The following DIO2 variants were observed in gnomAD, a reference collection of about 807,000 sequenced individuals.
DIO2 encodes the protein type II iodothyronine deiodinase.
Under a neutral mutation model 21.4 loss-of-function variants are expected in DIO2, and 19 were observed. The ratio of observed to expected loss-of-function variants is 0.89; its 90% confidence interval spans 0.62 to 1.30. The LOEUF is 1.30. Among genes scored for constraint, DIO2 ranks in the 50% most tolerant of loss-of-function variants. The probability of loss-of-function intolerance (pLI) is 0.00; values close to 1 mark genes in which losing one functional copy is unlikely to be tolerated. For synonymous variants in DIO2, 122 were observed against 132.9 expected, an observed-to-expected ratio of 0.92 and a Z score of 0.57; for missense variants, 302 against 338.1, an observed-to-expected ratio of 0.89 and a Z score of 0.84.
chr14:80,208,190 C>T (rs745630711), intron 1 of DIO2, among the ~76,000 whole-genome samples: 1 of 152,108 alleles, frequency 6.6e-6, no homozygotes, highest in Non-Finnish European at 1.5e-5. Context: ...GATGCAATGA[C>T]GCTGACTAAA....
upstream of DIO2, among the ~76,000 whole-genome samples, chr14:80,213,401 T>C (rs768883334): frequency 2.5e-4 from 38 of 152,218 alleles, no homozygotes; most frequent in South Asian, 4.1e-4. Context: ...ATTTTTTCCA[T>C]GTGGCTAAAA....
chr14:80,203,369 T>C, intron 1 of DIO2, 81 bp from the exon 2 acceptor site: 1 of 1,423,448 alleles, frequency 7.0e-7, no homozygotes, highest in Non-Finnish European at 9.3e-7. Flanking sequence ...TGAATTCACA[T>C]TAAATAGTTA....
At chr14:80,224,036 A>T (rs1888519874) in intron 2 of DIO2, among the ~76,000 whole-genome samples, 1 of 152,196 alleles carries the variant, frequency 6.6e-6, no homozygotes, top group South Asian at 2.1e-4. Flanking sequence ...TGCACCAACA[A>T]GTAAGGATTG....
intron 1 of DIO2, among the ~76,000 whole-genome samples, chr14:80,207,754 T>G (rs1448893221): frequency 6.6e-6 from 1 of 152,202 alleles, no homozygotes; most frequent in Non-Finnish European, 1.5e-5. Flanking sequence ...TCAATTCCCT[T>G]TTAGCTATTC....
At chr14:80,212,912 C>A (rs1414851164), upstream of DIO2, among the ~76,000 whole-genome samples, 1 of 151,144 alleles carries the variant, frequency 6.6e-6, no homozygotes, top group African/African-American at 2.4e-5. Flanking sequence ...CTTTTAGCTT[C>A]ATTTTGCAGA....
intron 2 of DIO2, among the ~76,000 whole-genome samples, chr14:80,218,140 T>A (rs1371756819): frequency 2.0e-5 from 3 of 152,100 alleles, no homozygotes; most frequent in Non-Finnish European, 4.4e-5. Context: ...TTTTCAGACC[T>A]GCCTAAGTCA....
chr14:80,202,292 G>A lies in DIO2; in HGVS notation c.*397C>T, dbSNP rs752191150. The A allele has an allele frequency of 3.8e-6, 2 of 523,144 alleles. No individual in the cohort carries two copies. Among genetic ancestry groups the A allele is most frequent in the Non-Finnish European group, 7.6e-6 (2 of 263,034 alleles). The allele number at this position is 523,144 out of a possible 1,614,324, so 32.4% of individuals were successfully genotyped here. ...CTCCATCCATGCCAAATAGAGCCAA[G>A]GCAATACCCTTTATCTTAACGTAGA... is the stretch of plus-strand genomic sequence containing the variant. On this transcript the variant is annotated 3_prime_UTR_variant, in exon 2 of 2. Coordinates refer to ENST00000438257, the MANE Select transcript of DIO2 (RefSeq NM_013989.5).
intron 1 of DIO2, among the ~76,000 whole-genome samples, chr14:80,206,842 T>C (rs988331202): frequency 3.4e-4 from 51 of 152,158 alleles, no homozygotes; most frequent in Admixed American, 3.3e-3. Context: ...CAAAAGGCAT[T>C]TTTTACTCTT....
intron 2 of DIO2, among the ~76,000 whole-genome samples, chr14:80,228,443 G>A (rs927432561): frequency 9.2e-5 from 14 of 152,166 alleles, no homozygotes; most frequent in African/African-American, 2.2e-4. Context: ...TTCAAGATCC[G>A]TCTGTCTTCT....
At chr14:80,206,773 C>T (rs981752118) in intron 1 of DIO2, among the ~76,000 whole-genome samples, 2 of 152,134 alleles carry the variant, frequency 1.3e-5, no homozygotes, top group African/African-American at 2.4e-5. Context: ...ATTTCTCCTT[C>T]TTAGAGGGTT....
intron 1 of DIO2, among the ~76,000 whole-genome samples, chr14:80,210,388 C>A (rs1274080939): frequency 6.6e-6 from 1 of 152,180 alleles, no homozygotes; most frequent in Non-Finnish European, 1.5e-5. Context: ...AAGATCACTA[C>A]CTCTGATTTT....
chr14:80,206,181 G>C (rs1426110971), intron 1 of DIO2: 11 of 1,189,610 alleles, frequency 9.2e-6, no homozygotes, highest in Non-Finnish European at 1.3e-5. Flanking sequence ...AAAATGCATA[G>C]ATAAAATTAA....
intron 1 of DIO2, chr14:80,206,422 C>A: frequency 1.5e-6 from 1 of 687,132 alleles, no homozygotes; most frequent in Non-Finnish European, 2.4e-6. Context: ...TATTACTGTT[C>A]ATTCTCATCT....
intron 2 of DIO2, among the ~76,000 whole-genome samples, chr14:80,222,373 A>T (rs1175735698): frequency 6.6e-6 from 1 of 152,214 alleles, no homozygotes; most frequent in Non-Finnish European, 1.5e-5. Context: ...AAAGAGATAA[A>T]CACTGTCAAA....
intron 1 of DIO2, among the ~76,000 whole-genome samples, chr14:80,210,603 T>C (rs1041018509): frequency 6.6e-6 from 1 of 152,218 alleles, no homozygotes; most frequent in African/African-American, 2.4e-5. Context: ...CTTTCGCAAG[T>C]TGATATCTAG....
At chr14:80,230,025 T>C (rs987024002) in intron 2 of DIO2, among the ~76,000 whole-genome samples, 1 of 152,152 alleles carries the variant, frequency 6.6e-6, no homozygotes, top group African/African-American at 2.4e-5. Context: ...ATCAACGTTA[T>C]TTTTCCTGGC....
chr14:80,210,796 G>C (rs1014345045), intron 1 of DIO2, among the ~76,000 whole-genome samples: 2 of 152,088 alleles, frequency 1.3e-5, no homozygotes, highest in Admixed American at 6.5e-5. Context: ...TGAGAGTTCT[G>C]AGTAGCATTT....
intron 2 of DIO2, among the ~76,000 whole-genome samples, chr14:80,224,393 G>A (rs1006499397): frequency 3.3e-5 from 5 of 152,042 alleles, no homozygotes; most frequent in African/African-American, 1.2e-4. Flanking sequence ...CTTTGCAGAT[G>A]TGATTATGTT....
chr14:80,211,984 T>A (rs1018534556), upstream of DIO2: 1 of 150,760 alleles, frequency 6.6e-6, no homozygotes, highest in Non-Finnish European at 1.5e-5. Flanking sequence ...GCCAGAGTTT[T>A]TTTTTTTTTT....
Sources: allele counts gnomAD v4.1 joint callset (sites outside exome capture counted in the v4.1 genomes callset), GRCh38; gene constraint gnomAD v4.1.1; transcripts MANE v1.5; gene names NCBI Gene and HGNC (gene_info 2026-07-23, HGNC 2026-07-21).